Variants in CDK14 observed in about 807,000 individuals in gnomAD.
CDK14 encodes cyclin dependent kinase 14, also known as cyclin-dependent kinase 14.
CDK14 carries 34 observed loss-of-function variants against 60.7 expected under a neutral mutation model. That is an observed-to-expected ratio of 0.56 (90% CI 0.43 to 0.75). The LOEUF (loss-of-function observed/expected upper bound fraction) is 0.75, where lower values mean the gene tolerates loss of function less well. Among genes scored for constraint, CDK14 ranks in the 30% least tolerant of loss-of-function variants. The pLI, the probability that CDK14 is intolerant of heterozygous loss-of-function variation, is 0.00. For missense variants in CDK14, 482 were observed against 564.1 expected (o/e 0.85, Z 1.47); for synonymous variants, 197 against 203.7 (o/e 0.97, Z 0.28).
intron 14 of CDK14, among the ~76,000 whole-genome samples, chr7:91,128,939 T>C (rs759270154): frequency 6.6e-6 from 1 of 152,178 alleles, no homozygotes; most frequent in Non-Finnish European, 1.5e-5. Flanking sequence ...ATGTTTATCA[T>C]ACTCTTTGTT....
intron 4 of CDK14, among the ~76,000 whole-genome samples, chr7:90,772,378 A>T (rs1007013847): frequency 3.3e-5 from 5 of 152,224 alleles, no homozygotes; most frequent in African/African-American, 4.8e-5. Context: ...GTGTGTGCTT[A>T]TTGGAACTTG....
At chr7:90,980,804 T>G (rs1795207666) in intron 9 of CDK14, among the ~76,000 whole-genome samples, 1 of 152,198 alleles carries the variant, frequency 6.6e-6, no homozygotes, top group African/African-American at 2.4e-5. Context: ...ATAAAAATGC[T>G]ACATCATTTC....
chr7:91,187,541 A>ATCG (rs1328921030), intron 14 of CDK14, among the ~76,000 whole-genome samples: 1 of 152,224 alleles, frequency 6.6e-6, no homozygotes, highest in East Asian at 1.9e-4. Context: ...CTGAAGTGGC[A>ATCG]TCGTTGTCTA....
chr7:91,190,884 C>T (rs529412817), intron 14 of CDK14, among the ~76,000 whole-genome samples: 1 of 152,120 alleles, frequency 6.6e-6, no homozygotes, highest in South Asian at 2.1e-4. Context: ...TGGTATCAGG[C>T]ATGGAGAGGA....
intron 4 of CDK14, among the ~76,000 whole-genome samples, chr7:90,779,804 AT>A (rs1366037737): frequency 3.9e-5 from 6 of 152,218 alleles, no homozygotes; most frequent in African/African-American, 1.4e-4. Flanking sequence ...TGACAATACT[AT>A]ATGATAACAT....
intron 10 of CDK14, among the ~76,000 whole-genome samples, chr7:90,990,264 T>A (rs1033064663): frequency 6.6e-6 from 1 of 152,080 alleles, no homozygotes; most frequent in African/African-American, 2.4e-5. Context: ...CGTGACAGAG[T>A]GAGACCCCGT....
intron 6 of CDK14, among the ~76,000 whole-genome samples, chr7:90,872,080 C>A (rs1343354111): frequency 6.6e-6 from 1 of 152,092 alleles, no homozygotes; most frequent in Non-Finnish European, 1.5e-5. Flanking sequence ...TCTAGAGATA[C>A]AAATATATAG....
chr7:91,128,005 T>C (rs956284207), intron 14 of CDK14, among the ~76,000 whole-genome samples: 3 of 152,220 alleles, frequency 2.0e-5, no homozygotes, highest in African/African-American at 7.2e-5. Context: ...AAGAAACTTT[T>C]ATGATATCAT....
chr7:90,612,729 G>T (rs1259056970), intron 2 of CDK14, among the ~76,000 whole-genome samples: 1 of 143,554 alleles, frequency 7.0e-6, no homozygotes, highest in East Asian at 2.0e-4. Context: ...CCGAGATTGT[G>T]CCACTGCACT....
chr7:91,013,656 G>GT (rs56934476), intron 10 of CDK14, among the ~76,000 whole-genome samples: 9,965 of 123,320 alleles, frequency 0.081, 476 homozygotes, highest in South Asian at 0.11. Context: ...CATTGCCTCT[G>GT]TTTTTTTTTT....
intron 2 of CDK14, among the ~76,000 whole-genome samples, chr7:90,651,358 A>G (rs1406359305): frequency 1.3e-5 from 2 of 150,850 alleles, no homozygotes; most frequent in African/African-American, 2.4e-5. Flanking sequence ...CCCCAGTTCC[A>G]CTTAAGGTTC....
chr7:90,811,807 G>T (rs1789131525), intron 5 of CDK14, among the ~76,000 whole-genome samples: 3 of 152,102 alleles, frequency 2.0e-5, no homozygotes, highest in Admixed American at 6.5e-5. Context: ...GTGGGCGAAG[G>T]ATATGAAGAG....
At chr7:91,049,414 G>A (rs1022583379) in intron 11 of CDK14, among the ~76,000 whole-genome samples, 3 of 152,298 alleles carry the variant, frequency 2.0e-5, no homozygotes, top group Non-Finnish European at 4.4e-5. Context: ...TAGAGACAAA[G>A]TCTTGTTATT....
intron 2 of CDK14, among the ~76,000 whole-genome samples, chr7:90,634,003 G>A (rs1800069445): frequency 6.6e-6 from 1 of 151,860 alleles, no homozygotes; most frequent in Non-Finnish European, 1.5e-5. Context: ...TAGCTGTGAA[G>A]GTATAAAACT....
intron 2 of CDK14, among the ~76,000 whole-genome samples, chr7:90,617,045 T>C (rs1799664860): frequency 6.6e-6 from 1 of 152,192 alleles, no homozygotes; most frequent in African/African-American, 2.4e-5. Flanking sequence ...AATTTTAATA[T>C]TTGCTATTAA....
At chr7:90,908,574 A>G (rs1183606749) in intron 7 of CDK14, among the ~76,000 whole-genome samples, 1 of 152,168 alleles carries the variant, frequency 6.6e-6, no homozygotes, top group African/African-American at 2.4e-5. Context: ...GCCTCTCTCC[A>G]GTTTAAGATG....
At chr7:90,981,480 T>C (rs1205447527) in intron 9 of CDK14, among the ~76,000 whole-genome samples, 10 of 152,246 alleles carry the variant, frequency 6.6e-5, no homozygotes, top group African/African-American at 1.2e-4. Flanking sequence ...GTGTTTACTT[T>C]GAATAAGAAT....
chr7:90,876,494 T>C (rs924843834), intron 6 of CDK14, among the ~76,000 whole-genome samples: 1 of 152,246 alleles, frequency 6.6e-6, no homozygotes, highest in Non-Finnish European at 1.5e-5. Context: ...CTTCCATATA[T>C]AGACTTTCAA....
rs567699300 is a variant in CDK14 at position 91,200,035 on chromosome 7, C to G, written c.*29-7130C>G. 7.9e-5 allele frequency among the ~76,000 whole-genome samples: 12 copies of G among 152,252 alleles called. No homozygotes were observed. The East Asian group carries it at 2.3e-3, about 29-fold the overall frequency. On this transcript the variant is annotated intron_variant, in intron 14 of 14. Coordinates refer to ENST00000380050, the MANE Select transcript of CDK14 (RefSeq NM_001287135.2). Reference sequence around the variant, plus strand: ...ATACCATTTCCTCCAACTCCTACCCCCTTCTCAAGGAGCCTCAATGCAGTG... The same window carrying G: ...ATACCATTTCCTCCAACTCCTACCCGCTTCTCAAGGAGCCTCAATGCAGTG...
Sources: gnomAD v4.1 joint callset for allele counts (sites outside exome capture counted in the v4.1 genomes callset) on GRCh38, gnomAD v4.1.1 for gene constraint, MANE v1.5 for transcripts, NCBI Gene and HGNC (gene_info 2026-07-23, HGNC 2026-07-21) for gene names.